The following AFF3 variants were observed in gnomAD, a reference collection of about 807,000 sequenced individuals.
The protein encoded by AFF3 is AF4/FMR2 family member 3.
Under a neutral mutation model 129.7 loss-of-function variants are expected in AFF3, and 32 were observed. The observed-to-expected ratio is 0.25, with a 90% CI of 0.19 to 0.33. AFF3 has a LOEUF of 0.33. Among genes scored for constraint, AFF3 ranks in the 10% least tolerant of loss-of-function variants. AFF3 has a pLI of 1.00. For synonymous variants in AFF3, 644 were observed against 635.4 expected, an observed-to-expected ratio of 1.01 and a Z score of -0.20; for missense variants, 1,373 against 1,592.0, an observed-to-expected ratio of 0.86 and a Z score of 2.34.
At chr2:100,032,777 G>A (rs1684606786) in intron 4 of AFF3, among the ~76,000 whole-genome samples, 1 of 151,994 alleles carries the variant, frequency 6.6e-6, no homozygotes, top group Admixed American at 6.6e-5. Context: ...TCAATTCCAT[G>A]TGTATATTTG....
chr2:99,633,087 C>A (rs554443106), intron 13 of AFF3, among the ~76,000 whole-genome samples: 48 of 152,226 alleles, frequency 3.2e-4, no homozygotes, highest in African/African-American at 1.1e-3. Flanking sequence ...GTTTTACACG[C>A]CTCTTTCCCC....
chr2:99,884,319 C>T (rs1692946840), intron 7 of AFF3, among the ~76,000 whole-genome samples: 1 of 152,162 alleles, frequency 6.6e-6, no homozygotes, highest in African/African-American at 2.4e-5. Context: ...CGTTGTACGG[C>T]TTGAACATTT....
intron 7 of AFF3, among the ~76,000 whole-genome samples, chr2:99,871,944 A>C (rs1691894562): frequency 6.6e-6 from 1 of 152,138 alleles, no homozygotes; most frequent in Non-Finnish European, 1.5e-5. Flanking sequence ...GCGGTGGCTC[A>C]TGCCTGTAAT....
intron 12 of AFF3, among the ~76,000 whole-genome samples, chr2:99,656,189 T>A (rs1685732757): frequency 6.6e-6 from 1 of 152,190 alleles, no homozygotes; most frequent in Non-Finnish European, 1.5e-5. Flanking sequence ...GTAAGAAACA[T>A]CAATAACAGT....
intron 12 of AFF3, among the ~76,000 whole-genome samples, chr2:99,656,152 C>A (rs4850910): frequency 0.84 from 127,461 of 151,820 alleles, 53,558 homozygotes; most frequent in East Asian, 0.92. Context: ...TGGATGCATG[C>A]GACTGAAGTT....
intron 20 of AFF3, among the ~76,000 whole-genome samples, chr2:99,563,585 C>A (rs982039008): frequency 1.3e-5 from 2 of 151,252 alleles, no homozygotes; most frequent in Non-Finnish European, 3.0e-5. Context: ...CCGAAGCAGG[C>A]AGAGCACCTG....
chr2:99,653,329 AC>A (rs1685448269), intron 12 of AFF3, among the ~76,000 whole-genome samples: 5 of 152,206 alleles, frequency 3.3e-5, no homozygotes, highest in Non-Finnish European at 7.3e-5. Context: ...AAGAGGTGTA[AC>A]TAAAAGTTCA....
intron 18 of AFF3, among the ~76,000 whole-genome samples, chr2:99,573,262 TTC>T (rs3838577): frequency 9.9e-5 from 15 of 151,494 alleles, no homozygotes; most frequent in Non-Finnish European, 1.5e-4. Context: ...CTTCATTTCT[TTC>T]TCTCTCTCTC....
intron 2 of AFF3, chr2:100,105,787 C>T (rs113270366): frequency 7.4e-7 from 1 of 1,356,442 alleles, no homozygotes; most frequent in Non-Finnish European, 9.8e-7. Context: ...GACCTCTTGG[C>T]CACAGCTCCG....
intron 7 of AFF3, among the ~76,000 whole-genome samples, chr2:99,910,008 G>A (rs551663895): frequency 3.3e-5 from 5 of 152,062 alleles, no homozygotes; most frequent in South Asian, 2.1e-4. Flanking sequence ...AGGTAATAAA[G>A]TTAAAAAGAG....
At chr2:100,141,769 A>G (rs1199143028) in intron 1 of AFF3, among the ~76,000 whole-genome samples, 1 of 152,160 alleles carries the variant, frequency 6.6e-6, no homozygotes, top group Non-Finnish European at 1.5e-5. Flanking sequence ...TGTATATTGC[A>G]TTATATCATA....
At chr2:100,085,198 A>G (rs1158081276) in intron 4 of AFF3, among the ~76,000 whole-genome samples, 1 of 143,558 alleles carries the variant, frequency 7.0e-6, no homozygotes, top group Non-Finnish European at 1.5e-5. Flanking sequence ...AAAAAAAAAA[A>G]GTCAAATTGA....
chr2:99,636,547 C>T (rs570478378), intron 13 of AFF3, among the ~76,000 whole-genome samples: 2 of 152,328 alleles, frequency 1.3e-5, no homozygotes, highest in African/African-American at 4.8e-5. Flanking sequence ...TGTGACAATT[C>T]AAACCCAAGG....
chr2:99,765,500 T>A (rs994211710), intron 8 of AFF3, among the ~76,000 whole-genome samples: 2 of 152,244 alleles, frequency 1.3e-5, no homozygotes, highest in African/African-American at 4.8e-5. Flanking sequence ...ACCAGCAGAA[T>A]GACCTCGGGC....
At chr2:99,860,422 C>T (rs975059190) in intron 7 of AFF3, among the ~76,000 whole-genome samples, 4 of 152,012 alleles carry the variant, frequency 2.6e-5, no homozygotes, top group East Asian at 1.9e-4. Flanking sequence ...GGGGTGGTGG[C>T]GGGTGCCTGT....
chr2:99,946,752 C>A (rs1675614193), intron 7 of AFF3, among the ~76,000 whole-genome samples: 1 of 152,176 alleles, frequency 6.6e-6, no homozygotes, highest in Non-Finnish European at 1.5e-5. Flanking sequence ...GAGGAAACAA[C>A]AGTACCAAGA....
chr2:99,709,719 G>A (rs1202472530), intron 11 of AFF3, among the ~76,000 whole-genome samples: 1 of 152,062 alleles, frequency 6.6e-6, no homozygotes, highest in African/African-American at 2.4e-5. Flanking sequence ...TCCAACTACT[G>A]GTTATTCTTG....
intron 8 of AFF3, among the ~76,000 whole-genome samples, chr2:99,808,149 T>C (rs1558869896): frequency 6.6e-6 from 1 of 152,112 alleles, no homozygotes; most frequent in Non-Finnish European, 1.5e-5. Context: ...TGATTAGAAT[T>C]TAAAATTCCC....
At chr2:99,866,995 AAT>A (rs1691456492) in intron 7 of AFF3, among the ~76,000 whole-genome samples, 4 of 104,890 alleles carry the variant, frequency 3.8e-5, no homozygotes, top group African/African-American at 1.2e-4. Flanking sequence ...TAATAATAAT[AAT>A]AATAAAAAAT....
Sources: allele counts gnomAD v4.1 joint callset (sites outside exome capture counted in the v4.1 genomes callset), GRCh38; gene constraint gnomAD v4.1.1; transcripts MANE v1.5; gene names NCBI Gene and HGNC (gene_info 2026-07-23, HGNC 2026-07-21).